The following PRKAR2B variants were observed in gnomAD, a reference collection of about 807,000 sequenced individuals.
The protein encoded by PRKAR2B is cAMP-dependent protein kinase type II-beta regulatory subunit.
A neutral mutation model predicts 49.9 loss-of-function variants in PRKAR2B; 14 were observed. The ratio of observed to expected loss-of-function variants is 0.28; its 90% CI spans 0.19 to 0.44. The LOEUF is 0.44. Ranked by LOEUF, PRKAR2B falls within the 20% of genes least tolerant of loss-of-function variation. The pLI, the probability that PRKAR2B is intolerant of heterozygous loss-of-function variation, is 1.00. For synonymous variants in PRKAR2B, 196 were observed against 197.7 expected, an observed-to-expected ratio of 0.99 and a Z score of 0.07; for missense variants, 393 against 537.9, an observed-to-expected ratio of 0.73 and a Z score of 2.67.
intron 1 of PRKAR2B, chr7:107,066,593 G>C (rs1477024871): frequency 6.6e-6 from 1 of 152,034 alleles, no homozygotes; most frequent in Non-Finnish European, 1.5e-5. Flanking sequence ...TTTTGAGATG[G>C]AGTACCGCTC....
At chr7:107,149,414 G>T (rs1795945360) in intron 6 of PRKAR2B, among the ~76,000 whole-genome samples, 2 of 152,122 alleles carry the variant, frequency 1.3e-5, no homozygotes, top group African/African-American at 4.8e-5. Flanking sequence ...TGGACGCTGA[G>T]AAGTCCAAGA....
At chr7:107,106,497 T>C (rs935943679) in intron 2 of PRKAR2B, among the ~76,000 whole-genome samples, 3 of 152,234 alleles carry the variant, frequency 2.0e-5, no homozygotes, top group South Asian at 4.1e-4. Flanking sequence ...TATAAACTTC[T>C]CTGGATCCTC....
intron 1 of PRKAR2B, among the ~76,000 whole-genome samples, chr7:107,045,696 C>A (rs568382045): frequency 1.3e-5 from 2 of 152,128 alleles, no homozygotes; most frequent in Admixed American, 1.3e-4. Context: ...ACGGTAGATT[C>A]GCTAAAAGAA....
intron 2 of PRKAR2B, among the ~76,000 whole-genome samples, chr7:107,085,820 A>G (rs748315487): frequency 4.6e-5 from 7 of 152,188 alleles, no homozygotes; most frequent in Non-Finnish European, 7.4e-5. Context: ...ATATGTGTGT[A>G]TTGAAATGTA....
Position 107,160,822 on chromosome 7 carries a change from T to G in PRKAR2B, c.*1240T>G, listed in dbSNP as rs1169275645. 2.0e-5 allele frequency: 3 copies of G among 152,190 alleles called. No individual in the cohort carries two copies. Among genetic ancestry groups the G allele is most frequent in the Admixed American group, 6.5e-5 (1 of 15,290 alleles). The allele number at this position is 152,190 out of a possible 1,614,324, so 9.4% of individuals were successfully genotyped here. A position where few individuals can be genotyped will look rare whatever the true frequency, so the allele number is the denominator to read the frequency against. Reference sequence around the variant, plus strand: ...AGAAAGAACTCAGATGTACTAGATTTTCATTGTTCATTGATATGCTCAGTA... The same window carrying G: ...AGAAAGAACTCAGATGTACTAGATTGTCATTGTTCATTGATATGCTCAGTA... On this transcript the variant is annotated 3_prime_UTR_variant, in exon 11 of 11. Transcript: ENST00000265717.
intron 2 of PRKAR2B, among the ~76,000 whole-genome samples, chr7:107,121,585 G>T (rs946856669): frequency 1.3e-5 from 2 of 152,056 alleles, no homozygotes; most frequent in East Asian, 1.9e-4. Flanking sequence ...GTGAAAGTTA[G>T]TCACAACTAT....
intron 2 of PRKAR2B, among the ~76,000 whole-genome samples, chr7:107,113,518 A>G (rs1290768896): frequency 1.3e-5 from 2 of 152,310 alleles, no homozygotes; most frequent in Admixed American, 6.5e-5. Flanking sequence ...GTCCTCTAGT[A>G]CAAGTTGATC....
intron 1 of PRKAR2B, among the ~76,000 whole-genome samples, chr7:107,065,322 A>ATGTGTGTGTGTGTGTG (rs71134248): frequency 2.8e-5 from 4 of 143,804 alleles, no homozygotes; most frequent in Non-Finnish European, 3.1e-5. Flanking sequence ...GGGTGTGTGT[A>ATGTGTGTGTGTGTGTG]TGTGTGTGTG....
chr7:107,076,243 A>G (rs1794393319), intron 2 of PRKAR2B, among the ~76,000 whole-genome samples: 1 of 152,168 alleles, frequency 6.6e-6, no homozygotes, highest in African/African-American at 2.4e-5. Context: ...TAGGTAATAT[A>G]ACACTGAAGG....
At chr7:107,060,631 T>TCTTCCTTC (rs572483978) in intron 1 of PRKAR2B, among the ~76,000 whole-genome samples, 1 of 132,778 alleles carries the variant, frequency 7.5e-6, no homozygotes, top group Non-Finnish European at 1.6e-5. Context: ...TCCCTTCCTC[T>TCTTCCTTC]CTTCCTTCCT....
intron 2 of PRKAR2B, among the ~76,000 whole-genome samples, chr7:107,086,802 C>T (rs952795660): frequency 1.3e-5 from 2 of 151,964 alleles, no homozygotes; most frequent in African/African-American, 2.4e-5. Context: ...TGGTTTACTT[C>T]GTAAACATAA....
In PRKAR2B at chr7:107,045,080, G is replaced by A; in HGVS notation, c.173G>A (p.Trp58Ter). ...TARFGHEGRTWGDLGAAAGGG... is the reference protein window; with the variant it reads ...TARFGHEGRT ...CGCTTCGGCCATGAGGGCAGGACCT[G>A]GGGGGACCTGGGCGCCGCTGCCGGG... The change falls in exon 1 of 11, where the codon TGG (tryptophan) becomes TAG (stop). Residue 58 changes from tryptophan (W) to a stop codon, truncating the protein, a stop_gained. Transcript: ENST00000265717. LOFTEE classifies it high-confidence loss of function. The A allele has an allele frequency of 1.3e-6, 2 of 1,535,702 alleles. No homozygotes were observed. Among genetic ancestry groups the A allele is most frequent in the South Asian group, 1.2e-5 (1 of 83,932 alleles).
At position 107,150,959 on chromosome 7, in the gene PRKAR2B, A is replaced by T; in HGVS notation, c.779A>T (p.Asn260Ile). The change falls in exon 7 of 11, where the codon AAT becomes ATT. Residue 260 changes from asparagine (N) to isoleucine (I), a missense_variant. Asn to Ile is a moderately radical substitution (Grantham distance 149, BLOSUM62 -3). This residue lies in a region of PRKAR2B where 233 missense variants were observed against 390.4 expected (regional missense o/e 0.60). Coordinates refer to ENST00000265717, the MANE Select transcript of PRKAR2B (RefSeq NM_002736.3). ...TTCAGGAGAATAATTGTGAAAAACA[A>T]TGCCAAAAAGAGAAAAATGTATGAA... ...VTFRRIIVKN[N>I]AKKRKMYESF... 1 of 1,600,692 alleles carries T rather than the reference A, an allele frequency of 6.2e-7. No individual in the cohort carries two copies. The highest frequency in any genetic ancestry group is 8.5e-7 in the Non-Finnish European group (1 of 1,174,872).
At chr7:107,129,377 G>C (rs1795556711) in intron 4 of PRKAR2B, among the ~76,000 whole-genome samples, 1 of 152,104 alleles carries the variant, frequency 6.6e-6, no homozygotes, top group Admixed American at 6.5e-5. Flanking sequence ...GCCTAAATTT[G>C]ACCAGACCCA....
At chr7:107,045,952 T>C (rs920147398) in intron 1 of PRKAR2B, among the ~76,000 whole-genome samples, 3 of 152,210 alleles carry the variant, frequency 2.0e-5, no homozygotes, top group Non-Finnish European at 4.4e-5. Flanking sequence ...TTTTTAAAAG[T>C]GTATGAGAAA....
intron 2 of PRKAR2B, among the ~76,000 whole-genome samples, chr7:107,094,423 G>C (rs901505242): frequency 1.3e-5 from 2 of 152,114 alleles, no homozygotes; most frequent in Non-Finnish European, 2.9e-5. Flanking sequence ...TGTCAGATGG[G>C]TAGGTTATAA....
At chr7:107,058,835 A>G (rs1033393712) in intron 1 of PRKAR2B, among the ~76,000 whole-genome samples, 3 of 152,192 alleles carry the variant, frequency 2.0e-5, no homozygotes, top group Non-Finnish European at 4.4e-5. Context: ...AGAGATTTTT[A>G]TCTGCCAAAA....
intron 1 of PRKAR2B, chr7:107,069,584 CA>C (rs1794221736): frequency 6.6e-6 from 1 of 152,110 alleles, no homozygotes; most frequent in African/African-American, 2.4e-5. Flanking sequence ...ACGATGTCAT[CA>C]AAACCAAGAA....
chr7:107,157,235 C>T lies in PRKAR2B; in HGVS notation c.1034C>T (p.Ser345Leu), dbSNP rs777203428. 5.6e-6 allele frequency: 9 copies of T among 1,614,056 alleles called. No homozygotes were observed. Among genetic ancestry groups the T allele is most frequent in the Admixed American group, 3.3e-5 (2 of 59,998 alleles). The change falls in exon 10 of 11, where the codon TCG (serine) becomes TTG (leucine). Residue 345 changes from serine to leucine, a missense_variant. Ser to Leu is a moderately radical substitution (Grantham distance 145). Transcript: ENST00000265717. ...GGTGCAGTAGAAATCGCTCGATGCT[C>T]GCGGGGACAGTACTTTGGAGAGCTT... Reference protein sequence around the residue: ...ENGAVEIARCSRGQYFGELAL... With the variant: ...ENGAVEIARCLRGQYFGELAL...
Sources: allele counts gnomAD v4.1 joint callset (sites outside exome capture counted in the v4.1 genomes callset), GRCh38; gene constraint gnomAD v4.1.1; regional missense constraint gnomAD v4.1.1; transcripts MANE v1.5; gene names NCBI Gene and HGNC (gene_info 2026-07-23, HGNC 2026-07-21).